CSMD3: variants seen among roughly 807,000 people sequenced by gnomAD.
CSMD3 encodes CUB and sushi domain-containing protein 3.
CSMD3 carries 177 observed loss-of-function variants against 435.2 expected under a neutral mutation model. The observed-to-expected ratio is 0.41, with a 90% CI of 0.36 to 0.46. CSMD3 has a LOEUF of 0.46. Ranked by LOEUF, CSMD3 falls within the 20% of genes least tolerant of loss-of-function variation. The pLI, the probability that CSMD3 is intolerant of heterozygous loss-of-function variation, is 0.34. For missense variants in CSMD3, 4,265 were observed against 4,504.6 expected, an observed-to-expected ratio of 0.95 and a Z score of 1.52; for synonymous variants, 1,656 against 1,520.5, an observed-to-expected ratio of 1.09 and a Z score of -2.07.
At chr8:112,968,694 T>C (rs1011039510) in intron 7 of CSMD3, among the ~76,000 whole-genome samples, 6 of 152,022 alleles carry the variant, frequency 3.9e-5, no homozygotes, top group Admixed American at 3.3e-4. Context: ...AATTTTTCTC[T>C]GTAATCTAAT....
At chr8:113,291,196 G>T (rs980916172) in intron 2 of CSMD3, among the ~76,000 whole-genome samples, 1 of 151,524 alleles carries the variant, frequency 6.6e-6, no homozygotes, top group African/African-American at 2.4e-5. Flanking sequence ...AATATGACTT[G>T]AAGTTGCAAT....
chr8:112,496,072 C>G (rs774883264), intron 30 of CSMD3, among the ~76,000 whole-genome samples: 15 of 152,158 alleles, frequency 9.9e-5, no homozygotes, highest in Non-Finnish European at 1.8e-4. Flanking sequence ...CCGGTTCACA[C>G]CGTTCTCCTG....
rs1460487110 is a variant in CSMD3, at chr8:112,800,213, G to T, written c.1921C>A (p.Leu641Ile). ...VSMSSQMWLH[L>I]QTDESVGSVG... is the part of the protein sequence containing the mutation. Reference sequence around the variant, plus strand: ...GATCCAACACTTTCGTCCGTTTGAAGGTGCAGCCACATTTGGCTACTCATG... The same window carrying T: ...GATCCAACACTTTCGTCCGTTTGAATGTGCAGCCACATTTGGCTACTCATG... Residue 641 changes from leucine (L) to isoleucine (I), a missense_variant, in exon 13 of 71, where the codon CTT (leucine) becomes ATT (isoleucine). Around this residue, in one of 3 missense-constraint regions of CSMD3, gnomAD observed 279 missense variants for 369.0 expected, o/e 0.76. Coordinates refer to ENST00000297405, the MANE Select transcript of CSMD3 (RefSeq NM_198123.2). The T allele has an allele frequency of 6.2e-7, 1 of 1,612,864 alleles. No individual in the cohort carries two copies. Among genetic ancestry groups the T allele is most frequent in the Non-Finnish European group, 8.5e-7 (1 of 1,179,224 alleles).
intron 5 of CSMD3, among the ~76,000 whole-genome samples, chr8:113,077,559 G>A (rs925377592): frequency 2.6e-5 from 4 of 152,042 alleles, no homozygotes; most frequent in East Asian, 3.9e-4. Flanking sequence ...AAGATTAGCC[G>A]GGTGTGGTGG....
At chr8:113,114,608 T>C (rs746191143) in intron 4 of CSMD3, among the ~76,000 whole-genome samples, 1 of 152,170 alleles carries the variant, frequency 6.6e-6, no homozygotes. Context: ...GTTAGTACAG[T>C]AATTTTTTAT....
rs1178018055 is a variant in CSMD3 at position 112,224,682 on chromosome 8, G to C, written c.*89C>G. The stretch of plus-strand genomic sequence containing the variant: ...AAGGTGACCCAGCAAGTCCTGAAAA[G>C]TGTGCTTTAATTTGTTTAGCAGTGA... On this transcript the variant is annotated 3_prime_UTR_variant, in exon 71 of 71. Transcript: ENST00000297405. 7 of 1,343,404 alleles carry C rather than the reference G, an allele frequency of 5.2e-6. No homozygotes were observed. In the Middle Eastern group the frequency reaches 9.0e-4, roughly 173 times the overall value. The allele number at this position is 1,343,404 out of a possible 1,614,324, so 83.2% of individuals were successfully genotyped here.
chr8:112,872,120 T>C lies in CSMD3; in HGVS notation c.1634-12854A>G, dbSNP rs115246650. On this transcript the variant is annotated intron_variant, in intron 10 of 70. Transcript: ENST00000297405. The stretch of plus-strand genomic sequence containing the variant: ...ATTCTTGACAGTTGGTCATGAAATA[T>C]ACAAACACAAGTATCTGAAGGTGAA... Among the ~76,000 whole-genome samples the C allele has an allele frequency of 2.5e-3, 383 of 152,144 alleles. 2 individuals are homozygous for C. The highest frequency in any genetic ancestry group is 8.9e-3 in the African/African-American group (369 of 41,554).
chr8:112,804,980 T>C (rs2079050143), intron 12 of CSMD3, among the ~76,000 whole-genome samples: 1 of 152,166 alleles, frequency 6.6e-6, no homozygotes, highest in Admixed American at 6.6e-5. Context: ...ACTTATTCTG[T>C]GATTTCCCCA....
intron 4 of CSMD3, among the ~76,000 whole-genome samples, chr8:113,107,169 C>A (rs1443309423): frequency 1.3e-5 from 2 of 152,174 alleles, no homozygotes. Context: ...TCATGCAAGT[C>A]GCATCACACT....
At chr8:112,932,505 CA>C (rs2083143067) in intron 9 of CSMD3, among the ~76,000 whole-genome samples, 1 of 152,034 alleles carries the variant, frequency 6.6e-6, no homozygotes, top group Non-Finnish European at 1.5e-5. Context: ...CTTGGCCTCC[CA>C]AAGTGCTGGG....
intron 32 of CSMD3, among the ~76,000 whole-genome samples, chr8:112,447,422 A>G (rs1815728777): frequency 6.6e-6 from 1 of 152,170 alleles, no homozygotes; most frequent in East Asian, 1.9e-4. Context: ...AAATATTTTA[A>G]TAAGTCTCTT....
rs573780664 is a variant in CSMD3, at chr8:113,136,755, G to C, written c.709+36967C>G. Among the ~76,000 whole-genome samples, 3 of 151,676 alleles carry C rather than the reference G, an allele frequency of 2.0e-5. No homozygotes were observed. The East Asian group carries it at 5.8e-4, about 29-fold the overall frequency. ...AGAAATAAAGGAAGATGGGTTTGAG[G>C]AAACAAGTGTAAGGAGGGATTTTAA... On this transcript the variant is annotated intron_variant, in intron 4 of 70. Coordinates refer to ENST00000297405, the MANE Select transcript of CSMD3 (RefSeq NM_198123.2).
chr8:112,569,679 G>A (rs1260935901), intron 24 of CSMD3, among the ~76,000 whole-genome samples: 1 of 152,154 alleles, frequency 6.6e-6, no homozygotes, highest in East Asian at 1.9e-4. Context: ...GGTATCATTT[G>A]ATAGGATGGC....
intron 20 of CSMD3, among the ~76,000 whole-genome samples, chr8:112,644,869 T>C (rs1044898697): frequency 6.6e-6 from 1 of 152,112 alleles, no homozygotes; most frequent in South Asian, 2.1e-4. Context: ...TAGTTTATTA[T>C]ATCAAAAGTA....
chr8:113,003,914 C>T (rs1056189124), intron 6 of CSMD3, among the ~76,000 whole-genome samples: 12 of 151,746 alleles, frequency 7.9e-5, no homozygotes, highest in African/African-American at 2.9e-4. Flanking sequence ...ATTGGCCTTA[C>T]CGGATTAAAA....
At chr8:112,540,360 T>C (rs1826544216) in intron 27 of CSMD3, among the ~76,000 whole-genome samples, 1 of 151,972 alleles carries the variant, frequency 6.6e-6, no homozygotes, top group Admixed American at 6.6e-5. Flanking sequence ...AGCAACTATA[T>C]AAAATAGTAT....
intron 11 of CSMD3, among the ~76,000 whole-genome samples, chr8:112,830,778 T>G (rs2079846666): frequency 6.6e-6 from 1 of 150,786 alleles, no homozygotes; most frequent in Admixed American, 6.6e-5. Flanking sequence ...TTTTTTGTTA[T>G]AATAACAATT....
intron 3 of CSMD3, among the ~76,000 whole-genome samples, chr8:113,211,504 A>G (rs1194304684): frequency 6.6e-6 from 1 of 152,154 alleles, no homozygotes; most frequent in Non-Finnish European, 1.5e-5. Flanking sequence ...AGCCTGGCCA[A>G]CATGGTGAAA....
chr8:113,030,839 C>A (rs1319951315), intron 5 of CSMD3, among the ~76,000 whole-genome samples: 1 of 151,158 alleles, frequency 6.6e-6, no homozygotes, highest in African/African-American at 2.4e-5. Flanking sequence ...GAAAAAAATT[C>A]ACAAAATAAG....
Sources: gnomAD v4.1 joint callset for allele counts (sites outside exome capture counted in the v4.1 genomes callset) on GRCh38, gnomAD v4.1.1 for gene constraint, gnomAD v4.1.1 regional missense constraint, MANE v1.5 for transcripts, NCBI Gene and HGNC (gene_info 2026-07-23, HGNC 2026-07-21) for gene names.